Variants in EPHA6 observed in about 807,000 individuals in gnomAD.
EPHA6 encodes ephrin type-A receptor 6.
Under a neutral mutation model 112.0 loss-of-function variants are expected in EPHA6, and 50 were observed. That is an observed-to-expected ratio of 0.45 (90% CI 0.36 to 0.56). The LOEUF (loss-of-function observed/expected upper bound fraction) is 0.56, where lower values mean the gene tolerates loss of function less well. Ranked by LOEUF, EPHA6 falls within the 20% of genes least tolerant of loss-of-function variation. EPHA6 has a pLI of 0.00. For synonymous variants in EPHA6, 529 were observed against 490.7 expected (o/e 1.08, Z -1.03); for missense variants, 1,280 against 1,417.4 (o/e 0.90, Z 1.56).
chr3:97,683,109 T>C (rs1349604722), intron 14 of EPHA6, among the ~76,000 whole-genome samples: 3 of 152,170 alleles, frequency 2.0e-5, no homozygotes, highest in African/African-American at 7.2e-5. Flanking sequence ...AAAACTTTGT[T>C]TCTCCTTTGA....
chr3:97,427,455 T>C (rs1363126204), intron 6 of EPHA6, among the ~76,000 whole-genome samples: 1 of 152,088 alleles, frequency 6.6e-6, no homozygotes, highest in African/African-American at 2.4e-5. Context: ...AACCAAATAT[T>C]GCATGTTCTC....
At chr3:96,911,550 T>C (rs1244521180) in intron 2 of EPHA6, among the ~76,000 whole-genome samples, 2 of 152,072 alleles carry the variant, frequency 1.3e-5, no homozygotes, top group Non-Finnish European at 2.9e-5. Flanking sequence ...CTGGTATTTG[T>C]AAAACTGTAA....
chr3:97,500,635 A>G (rs868614657), intron 10 of EPHA6, among the ~76,000 whole-genome samples: 1 of 152,220 alleles, frequency 6.6e-6, no homozygotes, highest in Non-Finnish European at 1.5e-5. Context: ...ATGGAGAGAC[A>G]GATCCAAACC....
chr3:97,256,665 C>A (rs577448949), intron 5 of EPHA6, among the ~76,000 whole-genome samples: 1 of 152,028 alleles, frequency 6.6e-6, no homozygotes, highest in African/African-American at 2.4e-5. Flanking sequence ...CATTTCTTCA[C>A]TGAAATTTTA....
chr3:97,145,904 A>C (rs2108363167), intron 3 of EPHA6, among the ~76,000 whole-genome samples: 1 of 151,698 alleles, frequency 6.6e-6, no homozygotes, highest in East Asian at 1.9e-4. Context: ...TTGTCGCCAA[A>C]GTATCTAGTA....
intron 4 of EPHA6, among the ~76,000 whole-genome samples, chr3:97,241,545 T>G (rs1037460153): frequency 6.6e-6 from 1 of 151,790 alleles, no homozygotes; most frequent in African/African-American, 2.4e-5. Flanking sequence ...CAGTGACACA[T>G]CATTTAGTTG....
intron 3 of EPHA6, among the ~76,000 whole-genome samples, chr3:97,166,172 G>T (rs2076536696): frequency 6.6e-6 from 1 of 151,984 alleles, no homozygotes; most frequent in Non-Finnish European, 1.5e-5. Context: ...TTGTTATTAT[G>T]TGCAAATATG....
chr3:97,194,918 C>T (rs1174620331), intron 3 of EPHA6, among the ~76,000 whole-genome samples: 1 of 151,972 alleles, frequency 6.6e-6, no homozygotes, highest in African/African-American at 2.4e-5. Flanking sequence ...ATATGTTTTA[C>T]CATCCCTTTA....
intron 3 of EPHA6, among the ~76,000 whole-genome samples, chr3:97,201,524 T>C (rs2077576623): frequency 6.6e-6 from 1 of 152,076 alleles, no homozygotes. Context: ...CATTAGCTAA[T>C]CTCCTAGAGA....
chr3:97,486,580 G>A (rs972003161), intron 10 of EPHA6, among the ~76,000 whole-genome samples: 3 of 152,158 alleles, frequency 2.0e-5, no homozygotes, highest in Non-Finnish European at 4.4e-5. Context: ...ATGGGTGAGG[G>A]AGAGAAAAAG....
intron 12 of EPHA6, chr3:97,606,281 G>GA (rs1326525706): frequency 1.3e-5 from 2 of 151,220 alleles, no homozygotes; most frequent in African/African-American, 2.4e-5. Context: ...TTGTATCACT[G>GA]AATGTTCAAA....
chr3:97,061,333 G>T, intron 3 of EPHA6, among the ~76,000 whole-genome samples: 1 of 152,154 alleles, frequency 6.6e-6, no homozygotes. Context: ...GGGGAAATGG[G>T]GCAACATTGA....
intron 14 of EPHA6, among the ~76,000 whole-genome samples, chr3:97,656,076 T>A (rs919729076): frequency 1.3e-5 from 2 of 151,918 alleles, no homozygotes; most frequent in Non-Finnish European, 2.9e-5. Context: ...ATTGTACTTT[T>A]ATGGTAAAGG....
intron 3 of EPHA6, among the ~76,000 whole-genome samples, chr3:97,114,343 CTT>C (rs1245690977): frequency 2.0e-5 from 3 of 151,974 alleles, no homozygotes; most frequent in African/African-American, 7.2e-5. Flanking sequence ...TATTTAAGGA[CTT>C]TTAATTTCAC....
intron 3 of EPHA6, among the ~76,000 whole-genome samples, chr3:97,075,128 A>G (rs947675609): frequency 8.6e-5 from 13 of 151,984 alleles, no homozygotes; most frequent in African/African-American, 3.1e-4. Flanking sequence ...AGAGGAAAAA[A>G]GGGAATGAAA....
At chr3:96,870,504 T>G (rs1283617880) in intron 2 of EPHA6, among the ~76,000 whole-genome samples, 1 of 152,134 alleles carries the variant, frequency 6.6e-6, no homozygotes, top group Non-Finnish European at 1.5e-5. Context: ...TTGATTCAAA[T>G]ACTAAGCTCT....
chr3:96,985,356 A>G (rs962069682), intron 2 of EPHA6, among the ~76,000 whole-genome samples: 15 of 152,184 alleles, frequency 9.9e-5, no homozygotes, highest in Non-Finnish European at 1.8e-4. Context: ...ATTCTTTCCT[A>G]TGAGTAAAAT....
intron 2 of EPHA6, among the ~76,000 whole-genome samples, chr3:96,902,545 A>G (rs537903104): frequency 1.3e-5 from 2 of 152,204 alleles, no homozygotes; most frequent in East Asian, 3.9e-4. Context: ...TCCTGATGCT[A>G]CAGGAACCTT....
intron 14 of EPHA6, among the ~76,000 whole-genome samples, chr3:97,689,862 G>A (rs1258789034): frequency 1.3e-5 from 2 of 152,054 alleles, no homozygotes; most frequent in African/African-American, 4.8e-5. Context: ...TTCTGATGGT[G>A]GACAAATGGG....
Sources: gnomAD v4.1 joint callset for allele counts (sites outside exome capture counted in the v4.1 genomes callset) on GRCh38, gnomAD v4.1.1 for gene constraint, MANE v1.5 for transcripts, NCBI Gene and HGNC (gene_info 2026-07-23, HGNC 2026-07-21) for gene names.